The following SPSB1 variants were observed in gnomAD, a reference collection of about 807,000 sequenced individuals.
SPSB1 encodes the protein splA/ryanodine receptor domain and SOCS box containing 1.
In SPSB1, 8 loss-of-function variants were observed where a neutral mutation model predicts 21.2. The observed-to-expected ratio is 0.38, with a 90% CI of 0.22 to 0.68. SPSB1 has a LOEUF of 0.68. SPSB1 is among the 30% of genes least tolerant of loss of function. The pLI, the probability that SPSB1 is intolerant of heterozygous loss-of-function variation, is 0.53. For missense variants in SPSB1, 242 were observed against 377.8 expected, an observed-to-expected ratio of 0.64 and a Z score of 2.98; for synonymous variants, 169 against 161.7, an observed-to-expected ratio of 1.05 and a Z score of -0.34.
At chr1:9,342,153 A>T (rs568173405) in intron 1 of SPSB1, among the ~76,000 whole-genome samples, 3 of 152,326 alleles carry the variant, frequency 2.0e-5, no homozygotes, top group African/African-American at 7.2e-5. Flanking sequence ...CACAGGCCTC[A>T]GATGGTGGAG....
rs1275336470 is a variant in SPSB1, at chr1:9,356,632, C to T, written c.694+47C>T. The T allele has an allele frequency of 6.5e-7, 1 of 1,543,606 alleles. No individual in the cohort carries two copies. The highest frequency in any genetic ancestry group is 1.3e-5 in the South Asian group (1 of 79,200). ...AGAGGCAATGCCCTCCCTCAGTCCCCATGGTCCTGGCTGGGCTCAGGCCAA... is the reference window on the plus strand; with the variant it reads ...AGAGGCAATGCCCTCCCTCAGTCCCTATGGTCCTGGCTGGGCTCAGGCCAA... On this transcript the variant is annotated intron_variant, in intron 2 of 2. Transcript: ENST00000328089. The surrounding 1 kb of genome is among the most constrained non-coding windows in gnomAD (Gnocchi z 7.4).
At chr1:9,311,160 GTT>G (rs34507567) in intron 1 of SPSB1, among the ~76,000 whole-genome samples, 10,868 of 133,482 alleles carry the variant, frequency 0.081, 1,148 homozygotes, top group African/African-American at 0.26. Context: ...AGGATAAAGG[GTT>G]TTTTTTTTTT....
intron 1 of SPSB1, among the ~76,000 whole-genome samples, chr1:9,354,217 C>A (rs555513312): frequency 1.3e-5 from 2 of 152,260 alleles, no homozygotes; most frequent in East Asian, 3.9e-4. Flanking sequence ...GAGCCTGCAG[C>A]CTCCCCTACC....
intron 1 of SPSB1, among the ~76,000 whole-genome samples, chr1:9,304,614 T>C (rs886756277): frequency 6.6e-6 from 1 of 151,792 alleles, no homozygotes; most frequent in Non-Finnish European, 1.5e-5. Context: ...TAGAGAAGGG[T>C]GAAGAATTGC....
At chr1:9,361,183 T>TTTTTTTTTTTTTTTTTTC in intron 2 of SPSB1, among the ~76,000 whole-genome samples, 3 of 100,438 alleles carry the variant, frequency 3.0e-5, no homozygotes, top group Non-Finnish European at 4.1e-5. Context: ...TTTTTTTTTT[T>TTTTTTTTTTTTTTTTTTC]AGAGATGGGG....
At chr1:9,339,451 G>A (rs138111075) in intron 1 of SPSB1, among the ~76,000 whole-genome samples, 6 of 152,296 alleles carry the variant, frequency 3.9e-5, no homozygotes, top group South Asian at 4.1e-4. Context: ...GCTCTGAGAC[G>A]GCTGCAGTGG....
intron 1 of SPSB1, among the ~76,000 whole-genome samples, chr1:9,297,030 C>T (rs1030592627): frequency 6.6e-6 from 1 of 152,202 alleles, no homozygotes; most frequent in Non-Finnish European, 1.5e-5. Flanking sequence ...AGAGAATCCG[C>T]CAAGGCACAG....
At chr1:9,311,717 G>A (rs1639522465) in intron 1 of SPSB1, among the ~76,000 whole-genome samples, 1 of 152,186 alleles carries the variant, frequency 6.6e-6, no homozygotes, top group Admixed American at 6.5e-5. Context: ...GGATGTTTCT[G>A]CCGGGGGTTG....
At chr1:9,296,158 G>A (rs184172935) in intron 1 of SPSB1, among the ~76,000 whole-genome samples, 77 of 152,248 alleles carry the variant, frequency 5.1e-4, no homozygotes, top group African/African-American at 1.9e-3. Context: ...CATAATAATA[G>A]CGGGAAATGG....
intron 1 of SPSB1, among the ~76,000 whole-genome samples, chr1:9,327,202 G>A (rs1639830123): frequency 6.6e-6 from 1 of 152,178 alleles, no homozygotes. Context: ...CTCATACGAT[G>A]ATCCCCCTGA....
At chr1:9,296,537 A>G (rs1313746056) in intron 1 of SPSB1, among the ~76,000 whole-genome samples, 3 of 152,246 alleles carry the variant, frequency 2.0e-5, no homozygotes, top group African/African-American at 7.2e-5. Context: ...ACACACATAC[A>G]CATACTCACA....
chr1:9,355,998 G>C lies in SPSB1; in HGVS notation c.107G>C (p.Arg36Pro). ...LQGLDYCKPT[R>P]LDLLLDMPPV... ...GGTCTGGATTACTGCAAGCCCACCC[G>C]GCTGGATCTGCTACTGGACATGCCC... Residue 36 changes from arginine to proline, a missense_variant, in exon 2 of 3, where the codon CGG (arginine) becomes CCG (proline). Coordinates refer to ENST00000328089, the MANE Select transcript of SPSB1 (RefSeq NM_025106.4). 2 of 1,614,106 alleles carry C rather than the reference G, an allele frequency of 1.2e-6. No homozygotes were observed. Among genetic ancestry groups the C allele is most frequent in the South Asian group, 1.1e-5 (1 of 91,078 alleles).
At chr1:9,335,685 A>G (rs768088315) in intron 1 of SPSB1, among the ~76,000 whole-genome samples, 9 of 151,666 alleles carry the variant, frequency 5.9e-5, no homozygotes, top group African/African-American at 9.7e-5. Flanking sequence ...CTGTAGTCCC[A>G]GGTACTTGGG....
intron 1 of SPSB1, among the ~76,000 whole-genome samples, chr1:9,307,404 C>G (rs892011475): frequency 2.0e-5 from 3 of 152,226 alleles, no homozygotes; most frequent in African/African-American, 7.2e-5. Flanking sequence ...ACCTCCCATC[C>G]TCCCTCCCCA....
At chr1:9,359,438 T>G (rs1640429897) in intron 2 of SPSB1, among the ~76,000 whole-genome samples, 1 of 152,082 alleles carries the variant, frequency 6.6e-6, no homozygotes, top group Non-Finnish European at 1.5e-5. Context: ...GCGCGGTGGC[T>G]CATGCCTGTA....
intron 1 of SPSB1, among the ~76,000 whole-genome samples, chr1:9,299,376 C>T (rs537018452): frequency 1.3e-5 from 2 of 152,370 alleles, no homozygotes; most frequent in East Asian, 3.9e-4. Context: ...CGGTGGCTCA[C>T]TCCTGTAATC....
intron 1 of SPSB1, among the ~76,000 whole-genome samples, chr1:9,347,412 A>G (rs544355943): frequency 5.6e-5 from 8 of 142,208 alleles, no homozygotes; most frequent in African/African-American, 2.0e-4. Flanking sequence ...GAAAAGGAAT[A>G]CATGCATTTT....
At chr1:9,318,218 G>T (rs12078305) in intron 1 of SPSB1, among the ~76,000 whole-genome samples, 3,191 of 152,350 alleles carry the variant, frequency 0.021, 101 homozygotes, top group African/African-American at 0.073. Context: ...GATGCCCCCA[G>T]ATCCTCCACC....
At chr1:9,331,736 C>CAGCCACG (rs1639923605) in intron 1 of SPSB1, among the ~76,000 whole-genome samples, 1 of 152,198 alleles carries the variant, frequency 6.6e-6, no homozygotes, top group African/African-American at 2.4e-5. Context: ...CACGTTGGTA[C>CAGCCACG]TTGCTCTCCG....
Sources: gnomAD v4.1 joint callset for allele counts (sites outside exome capture counted in the v4.1 genomes callset) on GRCh38, gnomAD v4.1.1 for gene constraint, Gnocchi (gnomAD v3.1) non-coding constraint, MANE v1.5 for transcripts, NCBI Gene and HGNC (gene_info 2026-07-23, HGNC 2026-07-21) for gene names.